Variants in SGK1 observed in about 807,000 individuals in gnomAD.
SGK1 encodes serum/glucocorticoid regulated kinase 1, also known as serine/threonine-protein kinase Sgk1.
In SGK1, 26 loss-of-function variants were observed where a neutral mutation model predicts 64.2. The observed-to-expected ratio is 0.40, with a 90% confidence interval of 0.30 to 0.56. SGK1 has a LOEUF of 0.56. Among genes scored for constraint, SGK1 ranks in the 20% least tolerant of loss-of-function variants. SGK1 has a pLI of 0.38. For missense variants in SGK1, 519 were observed against 645.6 expected (o/e 0.80, Z 2.12); for synonymous variants, 265 against 239.7 (o/e 1.11, Z -0.98).
In SGK1 at chr6:134,225,071, C is replaced by T. The variant is rs144097016; in HGVS notation, c.286-17640G>A. On this transcript the variant is annotated intron_variant, in intron 2 of 13. Transcript: ENST00000367858. ...ATATTTACAAAATGTAATTGTAGGC[C>T]GATGCGGTGGCTCATGGCTGATAAT... 1.9e-4 allele frequency among the ~76,000 whole-genome samples: 28 copies of T among 149,104 alleles called. 1 individual carries two copies. Among genetic ancestry groups the T allele is most frequent in the African/African-American group, 6.4e-4 (26 of 40,726 alleles).
At chr6:134,254,521 G>A (rs1329080846) in intron 2 of SGK1, among the ~76,000 whole-genome samples, 1 of 152,134 alleles carries the variant, frequency 6.6e-6, no homozygotes, top group African/African-American at 2.4e-5. Context: ...TGAGTATGGT[G>A]TTTTCCCCAA....
In SGK1 at chr6:134,272,448, C is replaced by G. The variant is rs137922662; in HGVS notation, c.70-10300G>C. Among the ~76,000 whole-genome samples, 455 of 147,096 alleles carry G rather than the reference C, an allele frequency of 3.1e-3. 11 individuals carry two copies. Among genetic ancestry groups the G allele is most frequent in the African/African-American group, 0.01 (426 of 41,050 alleles). ...GGATTACAGGCGTGAGCCACTGCGC[C>G]TGGCCTCATTCCAGTGTTGTTGTTG... is the stretch of plus-strand genomic sequence containing the variant. On this transcript the variant is annotated intron_variant, in intron 1 of 13. Transcript: ENST00000367858.
At chr6:134,171,994 CA>C (rs1434897853) in intron 10 of SGK1, 198 bp downstream of exon 10, 1 of 717,674 alleles carries the variant, frequency 1.4e-6, no homozygotes, top group African/African-American at 1.9e-5. Flanking sequence ...TACTTACAAA[CA>C]GCTACTTTTC....
chr6:134,291,174 A>G (rs1380710777), intron 1 of SGK1, among the ~76,000 whole-genome samples: 1 of 152,160 alleles, frequency 6.6e-6, no homozygotes, highest in Non-Finnish European at 1.5e-5. Context: ...AGTGAAAGGT[A>G]GGCAGTGAAG....
In SGK1 at chr6:134,200,340, A is replaced by T. The variant is rs553490026; in HGVS notation, c.361+7016T>A. 2.5e-3 allele frequency among the ~76,000 whole-genome samples: 384 copies of T among 152,314 alleles called. 4 individuals carry two copies. The highest frequency in any genetic ancestry group is 8.9e-3 in the African/African-American group (370 of 41,590). On this transcript the variant is annotated intron_variant, in intron 3 of 13. Transcript: ENST00000367858. The stretch of plus-strand genomic sequence containing the variant: ...GATGAGCATATGCCACTTTTATGTT[A>T]TAATGATAAAAAAGAAAGACTTAAA...
chr6:134,307,756 C>T (rs1383792208), intron 1 of SGK1, among the ~76,000 whole-genome samples: 1 of 152,106 alleles, frequency 6.6e-6, no homozygotes, highest in Non-Finnish European at 1.5e-5. Context: ...GATGTGGAAC[C>T]CGTGAATACC....
At chr6:134,204,209 C>T (rs972553783) in intron 3 of SGK1, among the ~76,000 whole-genome samples, 62 of 147,742 alleles carry the variant, frequency 4.2e-4, no homozygotes, top group Non-Finnish European at 6.5e-4. Flanking sequence ...AATGGACTGA[C>T]CAACTAGGCA....
In SGK1 at chr6:134,173,570, GAAAAA is replaced by G; in HGVS notation, c.514-9_514-5del. 2.4e-6 allele frequency: 3 copies of G among 1,258,670 alleles called. No individual in the cohort carries two copies. Among genetic ancestry groups the G allele is most frequent in the East Asian group, 2.6e-5 (1 of 38,974 alleles). The allele number at this position is 1,258,670 out of a possible 1,614,324, so 78.0% of individuals were successfully genotyped here. Reference sequence around the variant, plus strand: ...TGATTTGCTGAGAAGGACTTGGCTAGAAAAAAAAAAAAAGAATTTCTTTTAATACC... The same window carrying G: ...TGATTTGCTGAGAAGGACTTGGCTAGAAAAAAAAGAATTTCTTTTAATACC... On this transcript the variant is annotated splice_region_variant and splice_polypyrimidine_tract_variant and intron_variant, in intron 5 of 13. Coordinates refer to ENST00000367858, the MANE Select transcript of SGK1 (RefSeq NM_001143676.3).
At chr6:134,175,669 G>T (rs1562240616) in intron 3 of SGK1, 9 of 1,486,262 alleles carry the variant, frequency 6.1e-6, no homozygotes, top group Non-Finnish European at 8.1e-6. Flanking sequence ...CATGGGCAGC[G>T]GGCGGCGGGG....
At chr6:134,231,017 A>AAAATG (rs1486634610) in intron 2 of SGK1, among the ~76,000 whole-genome samples, 1 of 152,208 alleles carries the variant, frequency 6.6e-6, no homozygotes, top group East Asian at 1.9e-4. Context: ...CTGACTCAAA[A>AAAATG]AAATGAAATG....
chr6:134,305,249 C>G (rs1235200241), intron 1 of SGK1, among the ~76,000 whole-genome samples: 1 of 151,136 alleles, frequency 6.6e-6, no homozygotes, highest in East Asian at 2.0e-4. Context: ...GGCCCACCTA[C>G]TCTGGAGGCT....
chr6:134,176,202 C>G (rs943527758), intron 3 of SGK1, among the ~76,000 whole-genome samples: 49 of 152,298 alleles, frequency 3.2e-4, no homozygotes, highest in African/African-American at 1.2e-3. Context: ...CGCTGTCCCA[C>G]CTGAAAACCC....
At chr6:134,298,233 G>C in intron 1 of SGK1, 1 of 1,572,902 alleles carries the variant, frequency 6.4e-7, no homozygotes, top group Non-Finnish European at 8.7e-7. Context: ...GCTTCTCCTG[G>C]CCCCGAGTCT....
intron 2 of SGK1, among the ~76,000 whole-genome samples, chr6:134,248,412 A>G (rs1295355371): frequency 6.7e-6 from 1 of 149,516 alleles, no homozygotes; most frequent in Middle Eastern, 3.2e-3. Context: ...ACACACATGC[A>G]GAAGCATCTT....
At chr6:134,301,716 G>A (rs909890425) in intron 1 of SGK1, among the ~76,000 whole-genome samples, 10 of 151,832 alleles carry the variant, frequency 6.6e-5, no homozygotes, top group Non-Finnish European at 1.2e-4. Context: ...TCAGCCTCCC[G>A]AGTAACTGGG....
At chr6:134,214,952 G>A (rs1775953214) in intron 2 of SGK1, 4 of 411,452 alleles carry the variant, frequency 9.7e-6, no homozygotes, top group Non-Finnish European at 1.9e-5. Context: ...ATATTTAGAA[G>A]GTAACCGTTG....
At chr6:134,188,908 C>CTTTTT (rs34316759) in intron 3 of SGK1, among the ~76,000 whole-genome samples, 15 of 110,204 alleles carry the variant, frequency 1.4e-4, no homozygotes, top group South Asian at 5.5e-4. Context: ...ATTTCTTTTT[C>CTTTTT]TTTTTTTTTT....
At position 134,170,822 on chromosome 6, in the gene SGK1, TCAC is replaced by T; in HGVS notation, c.1413+1_1413+3del. The T allele has an allele frequency of 6.4e-7, 1 of 1,563,820 alleles. No individual in the cohort carries two copies. The highest frequency in any genetic ancestry group is 8.8e-7 in the Non-Finnish European group (1 of 1,134,848). On this transcript the variant is annotated splice_donor_variant and splice_donor_region_variant and intron_variant, in intron 13 of 13. Transcript: ENST00000367858. LOFTEE classifies it high-confidence loss of function. ...CTATACTTAGAAGAGAGACAGATACTCACCACATTTGGGTTAAAAGGGGGAGTA... is the reference window on the plus strand; with the variant it reads ...CTATACTTAGAAGAGAGACAGATACTCACATTTGGGTTAAAAGGGGGAGTA...
In SGK1 at chr6:134,174,883, G is replaced by C. The variant is rs1017012332; in HGVS notation, c.362-297C>G. 46 of 1,595,788 alleles carry C rather than the reference G, an allele frequency of 2.9e-5. 1 individual carries two copies. The highest frequency in any genetic ancestry group is 2.2e-4 in the Middle Eastern group (1 of 4,548). On this transcript the variant is annotated intron_variant, in intron 3 of 13. Coordinates refer to ENST00000367858, the MANE Select transcript of SGK1 (RefSeq NM_001143676.3). The stretch of plus-strand genomic sequence containing the variant: ...GTATGCTGCGCCAGGCCGCGCGCTC[G>C]GCCTTATAAAAAAGGCACCGCCGCG...
Sources: allele counts gnomAD v4.1 joint callset (sites outside exome capture counted in the v4.1 genomes callset), GRCh38; gene constraint gnomAD v4.1.1; transcripts MANE v1.5; gene names NCBI Gene and HGNC (gene_info 2026-07-23, HGNC 2026-07-21).